Variants in LIPA observed in about 807,000 individuals in gnomAD.
The protein encoded by LIPA is lipase A, lysosomal acid type.
In LIPA, 26 loss-of-function variants were observed where a neutral mutation model predicts 40.6. The observed-to-expected ratio is 0.64, with a 90% CI of 0.47 to 0.89. The LOEUF is 0.89. LIPA is among the 40% of genes least tolerant of loss of function. The pLI, the probability that LIPA is intolerant of heterozygous loss-of-function variation, is 0.00. For synonymous variants in LIPA, 188 were observed against 168.4 expected (o/e 1.12, Z -0.90); for missense variants, 455 against 479.6 (o/e 0.95, Z 0.48).
chr10:89,244,255 A>T (rs1842997225), intron 3 of LIPA, among the ~76,000 whole-genome samples: 1 of 152,212 alleles, frequency 6.6e-6, no homozygotes, highest in Non-Finnish European at 1.5e-5. Context: ...GAAAAAAGTT[A>T]AACTAGGATA....
intron 2 of LIPA, among the ~76,000 whole-genome samples, chr10:89,385,756 C>T (rs183018275): frequency 2.1e-4 from 32 of 152,320 alleles, no homozygotes; most frequent in Admixed American, 3.9e-4. Flanking sequence ...ATGTGTCCAG[C>T]TGCTGGCAAT....
chr10:89,359,790 CTCTA>C (rs1030653132), intron 2 of LIPA, among the ~76,000 whole-genome samples: 33 of 150,324 alleles, frequency 2.2e-4, no homozygotes, highest in Non-Finnish European at 2.2e-4. Flanking sequence ...GGATCTCCCT[CTCTA>C]TCTATCTCTC....
intron 1 of LIPA, among the ~76,000 whole-genome samples, chr10:89,301,139 G>A (rs1843443144): frequency 6.6e-6 from 1 of 152,126 alleles, no homozygotes; most frequent in African/African-American, 2.4e-5. Flanking sequence ...TTACAAAACC[G>A]AAGCAGAGAC....
intron 1 of LIPA, chr10:89,302,020 T>C (rs1843447990): frequency 6.0e-6 from 8 of 1,324,384 alleles, no homozygotes; most frequent in South Asian, 1.2e-5. Context: ...CACTTGTATA[T>C]ATAGGTCTCT....
At chr10:89,380,596 G>C (rs1163377136) in intron 2 of LIPA, among the ~76,000 whole-genome samples, 1 of 152,066 alleles carries the variant, frequency 6.6e-6, no homozygotes, top group Non-Finnish European at 1.5e-5. Context: ...GCCAGGCCCG[G>C]CTAATTTTTG....
chr10:89,361,861 C>T (rs1161344554), intron 2 of LIPA, among the ~76,000 whole-genome samples: 1 of 149,662 alleles, frequency 6.7e-6, no homozygotes, highest in Non-Finnish European at 1.5e-5. Flanking sequence ...ATCCACCCCC[C>T]ACCCTCCACC....
chr10:89,238,046 A>G lies in LIPA; in HGVS notation c.229+7630T>C, dbSNP rs59194844. 4.1e-3 allele frequency among the ~76,000 whole-genome samples: 624 copies of G among 152,374 alleles called. 1 individual carries two copies. Among genetic ancestry groups the G allele is most frequent in the African/African-American group, 5.4e-3 (224 of 41,584 alleles). Reference sequence around the variant, plus strand: ...TACAGAAAAAGCTGTGAAAGTTATCAAGCCTGAAACAATAAATTCCTGCTG... The same window carrying G: ...TACAGAAAAAGCTGTGAAAGTTATCGAGCCTGAAACAATAAATTCCTGCTG... On this transcript the variant is annotated intron_variant, in intron 3 of 9. Coordinates refer to ENST00000336233, the MANE Select transcript of LIPA (RefSeq NM_000235.4).
intron 2 of LIPA, among the ~76,000 whole-genome samples, chr10:89,381,046 A>G (rs1844158939): frequency 6.6e-6 from 1 of 152,180 alleles, no homozygotes; most frequent in Non-Finnish European, 1.5e-5. Context: ...CCACCTATCA[A>G]TGCATGGCCA....
At chr10:89,235,714 C>G (rs1842897117) in intron 3 of LIPA, among the ~76,000 whole-genome samples, 1 of 152,164 alleles carries the variant, frequency 6.6e-6, no homozygotes, top group African/African-American at 2.4e-5. Context: ...AGGGCAGAAC[C>G]AAAACAGAGA....
chr10:89,327,341 A>C (rs967763066), intron 1 of LIPA, among the ~76,000 whole-genome samples: 10 of 152,192 alleles, frequency 6.6e-5, no homozygotes, highest in African/African-American at 9.7e-5. Flanking sequence ...ACCTGCTATC[A>C]GGAGTTCAAG....
intron 1 of LIPA, among the ~76,000 whole-genome samples, chr10:89,314,335 A>G (rs1035199052): frequency 7.2e-5 from 11 of 152,262 alleles, no homozygotes; most frequent in Non-Finnish European, 1.6e-4. Flanking sequence ...ATTTGACTCC[A>G]TATGTAAGTT....
chr10:89,215,329 G>A (rs1487891891), intron 9 of LIPA, among the ~76,000 whole-genome samples: 2 of 152,170 alleles, frequency 1.3e-5, no homozygotes, highest in African/African-American at 4.8e-5. Context: ...TTAATCCCCG[G>A]CAAGGAAGGT....
chr10:89,361,159 T>C (rs1247498660), intron 2 of LIPA, among the ~76,000 whole-genome samples: 3 of 152,200 alleles, frequency 2.0e-5, no homozygotes, highest in Non-Finnish European at 4.4e-5. Flanking sequence ...GAGCATCTTT[T>C]TGGTGGACAC....
intron 4 of LIPA, 113 bp from the exon 5 acceptor site, chr10:89,227,117 A>G: frequency 2.7e-6 from 2 of 753,892 alleles, no homozygotes; most frequent in Non-Finnish European, 4.8e-6. Context: ...TGGGAAAACC[A>G]GCAGTGAGTC....
chr10:89,235,551 G>C (rs1461173683), intron 3 of LIPA, among the ~76,000 whole-genome samples: 2 of 152,236 alleles, frequency 1.3e-5, no homozygotes, highest in Admixed American at 1.3e-4. Flanking sequence ...GAAACTGAAT[G>C]TGCTGAGCCC....
intron 2 of LIPA, among the ~76,000 whole-genome samples, chr10:89,246,219 A>G (rs1474363024): frequency 1.3e-5 from 2 of 152,188 alleles, no homozygotes; most frequent in Non-Finnish European, 2.9e-5. Context: ...AAAAATATTA[A>G]CTTGTTTTTA....
At chr10:89,224,058 G>A (rs1463247888) in intron 6 of LIPA, among the ~76,000 whole-genome samples, 3 of 152,300 alleles carry the variant, frequency 2.0e-5, no homozygotes, top group South Asian at 2.1e-4. Context: ...AGAGAAGGAG[G>A]CAGAAAATCA....
chr10:89,359,281 A>G (rs1003880722), intron 2 of LIPA, among the ~76,000 whole-genome samples: 1 of 152,242 alleles, frequency 6.6e-6, no homozygotes, highest in African/African-American at 2.4e-5. Context: ...ACCCCAAAAT[A>G]TATATAACTA....
In LIPA at chr10:89,369,810, A is replaced by T. The variant is rs544103095; in HGVS notation, c.61+42981T>A. ...AAAGGAGATTCATCAGTATATATGGATGGAAGGAAAGGCAGAGAGAATGGC... is the reference window on the plus strand; with the variant it reads ...AAAGGAGATTCATCAGTATATATGGTTGGAAGGAAAGGCAGAGAGAATGGC... On this transcript the variant is annotated intron_variant, in intron 2 of 8. Transcript: ENST00000371837. 5.9e-5 allele frequency among the ~76,000 whole-genome samples: 9 copies of T among 152,340 alleles called. No individual in the cohort carries two copies. The South Asian group carries it at 1.9e-3, about 32-fold the overall frequency.
Sources: gnomAD v4.1 joint callset for allele counts (sites outside exome capture counted in the v4.1 genomes callset) on GRCh38, gnomAD v4.1.1 for gene constraint, MANE v1.5 for transcripts, NCBI Gene and HGNC (gene_info 2026-07-23, HGNC 2026-07-21) for gene names.